The following ALOX5 variants were observed in gnomAD, a reference collection of about 807,000 sequenced individuals.
ALOX5 encodes the protein polyunsaturated fatty acid 5-lipoxygenase.
Under a neutral mutation model 87.9 loss-of-function variants are expected in ALOX5, and 64 were observed. That is an observed-to-expected ratio of 0.73 (90% confidence interval 0.60 to 0.90). The LOEUF is 0.90. ALOX5 is among the 40% of genes least tolerant of loss of function. ALOX5 has a pLI of 0.00. For missense variants in ALOX5, 822 were observed against 907.5 expected (o/e 0.91, Z 1.21); for synonymous variants, 388 against 355.1 (o/e 1.09, Z -1.04).
At chr10:45,432,938 G>A (rs78553679) in intron 7 of ALOX5, among the ~76,000 whole-genome samples, 2,023 of 152,298 alleles carry the variant, frequency 0.013, 17 homozygotes, top group Non-Finnish European at 0.019. Flanking sequence ...TGATACACAG[G>A]TAGCTCCTTT....
intron 2 of ALOX5, among the ~76,000 whole-genome samples, chr10:45,392,852 G>GA (rs1380539599): frequency 1.3e-5 from 2 of 152,092 alleles, no homozygotes; most frequent in Non-Finnish European, 2.9e-5. Context: ...AGAAAATCTA[G>GA]AAAAAATGGA....
At chr10:45,395,125 T>C (rs1464372665) in intron 2 of ALOX5, among the ~76,000 whole-genome samples, 3 of 152,226 alleles carry the variant, frequency 2.0e-5, no homozygotes, top group Non-Finnish European at 4.4e-5. Context: ...CAAAGGATTA[T>C]AAATCATGCT....
intron 4 of ALOX5, among the ~76,000 whole-genome samples, chr10:45,422,463 G>A (rs749269624): frequency 6.6e-6 from 1 of 152,182 alleles, no homozygotes; most frequent in Non-Finnish European, 1.5e-5. Context: ...GGGCAGGAAG[G>A]GGAGCCACTG....
intron 4 of ALOX5, among the ~76,000 whole-genome samples, chr10:45,417,064 G>T (rs1841321531): frequency 6.6e-6 from 1 of 152,086 alleles, no homozygotes; most frequent in Non-Finnish European, 1.5e-5. Flanking sequence ...CTGTATCTTA[G>T]CAGCTGTCAC....
rs373004699 is a variant in ALOX5, at chr10:45,445,692, A to G, written c.*5A>G. The G allele has an allele frequency of 1.2e-5, 20 of 1,601,514 alleles. No homozygotes were observed. The African/African-American group carries it at 2.7e-4, about 21-fold the overall frequency. ...CCGAACAGTGTGGCCATCTGAGCAC[A>G]CTGCCAGTCTCACTGTGGGAAGGCC... is the stretch of plus-strand genomic sequence containing the variant. On this transcript the variant is annotated 3_prime_UTR_variant, in exon 14 of 14. Coordinates refer to ENST00000374391, the MANE Select transcript of ALOX5 (RefSeq NM_000698.5).
At chr10:45,416,835 CAGAT>C (rs765467473) in intron 4 of ALOX5, among the ~76,000 whole-genome samples, 42 of 145,542 alleles carry the variant, frequency 2.9e-4, no homozygotes, top group Admixed American at 1.5e-3. Flanking sequence ...GGATGGATGA[CAGAT>C]AGTGAGATGG....
At chr10:45,411,020 A>G (rs1841043791) in intron 3 of ALOX5, among the ~76,000 whole-genome samples, 1 of 152,238 alleles carries the variant, frequency 6.6e-6, no homozygotes. Flanking sequence ...TGGATTATTC[A>G]TGAGTTTTCC....
intron 3 of ALOX5, among the ~76,000 whole-genome samples, chr10:45,411,120 A>G (rs1394297299): frequency 1.3e-5 from 2 of 152,212 alleles, no homozygotes; most frequent in Non-Finnish European, 2.9e-5. Context: ...TGGCATTTGT[A>G]AACTGTCATG....
chr10:45,437,524 C>T (rs1842095264), intron 7 of ALOX5, among the ~76,000 whole-genome samples: 1 of 152,098 alleles, frequency 6.6e-6, no homozygotes, highest in African/African-American at 2.4e-5. Context: ...TTGTTAAGCC[C>T]TATCATATGT....
intron 4 of ALOX5, among the ~76,000 whole-genome samples, chr10:45,422,762 T>C (rs1476998305): frequency 2.6e-5 from 4 of 152,198 alleles, no homozygotes; most frequent in Admixed American, 6.5e-5. Context: ...GCATAGTCTA[T>C]TGGGACAGCC....
chr10:45,374,423 T>TGGCGCGGTGAGCGCGGGCGG lies in ALOX5; in HGVS notation c.148_150+17dup. 1 of 1,554,624 alleles carries TGGCGCGGTGAGCGCGGGCGG rather than the reference T, an allele frequency of 6.4e-7. No homozygotes were observed. Among genetic ancestry groups the TGGCGCGGTGAGCGCGGGCGG allele is most frequent in the East Asian group, 2.5e-5 (1 of 40,410 alleles). On this transcript the variant is annotated frameshift_variant, in exon 1 of 14. Coordinates refer to ENST00000374391, the MANE Select transcript of ALOX5 (RefSeq NM_000698.5). LOFTEE classifies it high-confidence loss of function. ...AGCCCTTCTACAACGACTTCGAGCGTGGCGCGGTGAGCGCGGGCGGGGCAC... is the reference window on the plus strand; with the variant it reads ...AGCCCTTCTACAACGACTTCGAGCGTGGCGCGGTGAGCGCGGGCGGGGCGCGGTGAGCGCGGGCGGGGCAC...
Position 45,424,160 on chromosome 10 carries a change from C to T in ALOX5, c.661+13C>T, listed in dbSNP as rs754743085. On this transcript the variant is annotated intron_variant, in intron 5 of 13. Transcript: ENST00000374391. ...AACACTATTTCTGGTGAGTGTGCCT[C>T]TGGGGGCCCAAGTGGTGCTGGGGAC... 3.7e-6 allele frequency: 6 copies of T among 1,603,240 alleles called. No individual in the cohort carries two copies. The South Asian group carries it at 5.5e-5, about 15-fold the overall frequency.
chr10:45,408,539 G>T (rs79376040), intron 3 of ALOX5, among the ~76,000 whole-genome samples: 4,357 of 152,308 alleles, frequency 0.029, 144 homozygotes, highest in African/African-American at 0.075. Flanking sequence ...CAGGCTTCAG[G>T]TAGAATCAAT....
chr10:45,391,213 C>T (rs1271048388), intron 2 of ALOX5, among the ~76,000 whole-genome samples: 2 of 152,100 alleles, frequency 1.3e-5, no homozygotes, highest in Non-Finnish European at 2.9e-5. Flanking sequence ...CTGCCTCAGC[C>T]TGCCGAGTGC....
chr10:45,418,488 C>T (rs551608134), intron 4 of ALOX5, among the ~76,000 whole-genome samples: 4 of 152,300 alleles, frequency 2.6e-5, no homozygotes, highest in Admixed American at 6.5e-5. Context: ...TCTGGGACCG[C>T]GTCTCCACCA....
intron 2 of ALOX5, among the ~76,000 whole-genome samples, chr10:45,384,546 C>T (rs1839949257): frequency 6.6e-6 from 1 of 152,174 alleles, no homozygotes; most frequent in South Asian, 2.1e-4. Context: ...GCTCCTTGGC[C>T]TCTCTGTCCA....
chr10:45,445,066 A>G (rs1468608179), intron 13 of ALOX5, among the ~76,000 whole-genome samples: 4 of 152,230 alleles, frequency 2.6e-5, no homozygotes, highest in Non-Finnish European at 5.9e-5. Flanking sequence ...GGACCCCAAC[A>G]GGGCAGCCAC....
intron 4 of ALOX5, among the ~76,000 whole-genome samples, chr10:45,413,018 T>C (rs901471042): frequency 4.6e-5 from 7 of 151,962 alleles, no homozygotes; most frequent in African/African-American, 1.7e-4. Flanking sequence ...TATAGGGAAT[T>C]TTAAAAATCA....
chr10:45,391,773 T>C (rs1323412647), intron 2 of ALOX5, among the ~76,000 whole-genome samples: 1 of 151,248 alleles, frequency 6.6e-6, no homozygotes, highest in Non-Finnish European at 1.5e-5. Flanking sequence ...GAGGAGCGCC[T>C]CTGCCCGGCC....
Sources: gnomAD v4.1 joint callset for allele counts (sites outside exome capture counted in the v4.1 genomes callset) on GRCh38, gnomAD v4.1.1 for gene constraint, MANE v1.5 for transcripts, NCBI Gene and HGNC (gene_info 2026-07-23, HGNC 2026-07-21) for gene names.